The following KLHDC4 variants were observed in gnomAD, a reference collection of about 807,000 sequenced individuals.
KLHDC4 encodes kelch domain-containing protein 4.
KLHDC4 carries 90 observed loss-of-function variants against 62.4 expected under a neutral mutation model. The observed-to-expected ratio is 1.44, with a 90% CI of 1.22 to 1.72. The LOEUF (loss-of-function observed/expected upper bound fraction) is 1.72. Ranked by LOEUF, KLHDC4 falls within the 40% of genes most tolerant of loss-of-function variation. KLHDC4 has a pLI of 0.00. For synonymous variants in KLHDC4, 386 were observed against 284.4 expected (o/e 1.36, Z -3.59); for missense variants, 1,025 against 699.7 (o/e 1.47, Z -5.25).
chr16:87,729,653 C>A (rs575860577), intron 6 of KLHDC4, among the ~76,000 whole-genome samples: 1 of 152,254 alleles, frequency 6.6e-6, no homozygotes, highest in African/African-American at 2.4e-5. Context: ...CCTGGGCAGC[C>A]ATGCCAGCTG....
chr16:87,715,802 G>C (rs1178668496), intron 7 of KLHDC4, among the ~76,000 whole-genome samples: 1 of 152,212 alleles, frequency 6.6e-6, no homozygotes, highest in African/African-American at 2.4e-5. Flanking sequence ...TTTCTCTTCA[G>C]CTCTATGTTC....
At chr16:87,738,398 C>A (rs746521802) in intron 5 of KLHDC4, among the ~76,000 whole-genome samples, 2 of 152,180 alleles carry the variant, frequency 1.3e-5, no homozygotes, top group South Asian at 4.1e-4. Flanking sequence ...TTCATCCAAC[C>A]AAACAGTACC....
At chr16:87,725,448 A>G (rs536771988) in intron 7 of KLHDC4, among the ~76,000 whole-genome samples, 21 of 152,172 alleles carry the variant, frequency 1.4e-4, no homozygotes, top group Non-Finnish European at 1.2e-4. Context: ...TACAGGCGTG[A>G]GCCACCGCGC....
intron 5 of KLHDC4, 145 bp from the exon 6 acceptor site, chr16:87,730,789 T>C: frequency 1.5e-6 from 1 of 670,646 alleles, no homozygotes; most frequent in East Asian, 2.9e-5. Context: ...CCATTTAATC[T>C]GATCTATCAA....
intron 6 of KLHDC4, among the ~76,000 whole-genome samples, chr16:87,728,495 GA>G (rs142442496): frequency 0.18 from 27,959 of 152,038 alleles, 2,708 homozygotes; most frequent in South Asian, 0.3. Context: ...CAACAGCTTT[GA>G]AAAAAGTTCT....
At chr16:87,760,395 C>A (rs2045682680) in intron 2 of KLHDC4, among the ~76,000 whole-genome samples, 1 of 150,130 alleles carries the variant, frequency 6.7e-6, no homozygotes, top group Non-Finnish European at 1.5e-5. Context: ...ATCACGAGGT[C>A]AGAAGATCAA....
intron 2 of KLHDC4, among the ~76,000 whole-genome samples, chr16:87,758,684 A>G (rs2045396411): frequency 6.6e-6 from 1 of 152,238 alleles, no homozygotes; most frequent in African/African-American, 2.4e-5. Flanking sequence ...GAGCTTTAAA[A>G]AAAAATCTCA....
At chr16:87,752,989 C>T (rs141626034) in intron 4 of KLHDC4, among the ~76,000 whole-genome samples, 35 of 152,334 alleles carry the variant, frequency 2.3e-4, no homozygotes, top group African/African-American at 7.9e-4. Flanking sequence ...AGGAAACACG[C>T]CACGCAGCCC....
intron 1 of KLHDC4, among the ~76,000 whole-genome samples, chr16:87,764,350 A>G (rs1463511724): frequency 1.3e-5 from 2 of 152,154 alleles, no homozygotes; most frequent in African/African-American, 4.8e-5. Flanking sequence ...GGAGATGAGT[A>G]AAAATGACAG....
intron 8 of KLHDC4, among the ~76,000 whole-genome samples, chr16:87,713,350 C>T (rs116756546): frequency 0.032 from 4,825 of 152,032 alleles, 251 homozygotes; most frequent in African/African-American, 0.11. Flanking sequence ...CAGGCACACA[C>T]GCCAGCACAC....
chr16:87,757,934 T>C (rs2045245800), intron 2 of KLHDC4, among the ~76,000 whole-genome samples: 1 of 151,870 alleles, frequency 6.6e-6, no homozygotes, highest in Non-Finnish European at 1.5e-5. Context: ...GCCACTTCAG[T>C]TGAAAGTAAT....
intron 8 of KLHDC4, chr16:87,714,279 C>A (rs1398037282): frequency 1.6e-6 from 1 of 617,954 alleles, no homozygotes; most frequent in South Asian, 7.2e-5. Flanking sequence ...CTCAGTCAGT[C>A]CATCATCAAT....
chr16:87,711,453 G>C lies in KLHDC4; in HGVS notation c.836-10C>G. 1 of 1,601,498 alleles carries C rather than the reference G, an allele frequency of 6.2e-7. No homozygotes were observed. The highest frequency in any genetic ancestry group is 8.5e-7 in the Non-Finnish European group (1 of 1,175,222). ...GTCCAAACCCACTTGTCTGTCAAAA[G>C]AGAACAAGGAAGTGGGATAAGAACA... On this transcript the variant is annotated splice_polypyrimidine_tract_variant and intron_variant, in intron 8 of 11. Coordinates refer to ENST00000270583, the MANE Select transcript of KLHDC4 (RefSeq NM_017566.4).
intron 4 of KLHDC4, among the ~76,000 whole-genome samples, chr16:87,749,481 G>C (rs1394047326): frequency 2.6e-5 from 4 of 150,994 alleles, no homozygotes; most frequent in African/African-American, 7.3e-5. Context: ...TTGAACCTGG[G>C]AGGTGGAGGG....
At chr16:87,748,884 G>A (rs933479218) in intron 4 of KLHDC4, 75 bp from the exon 5 acceptor site, 4 of 1,570,876 alleles carry the variant, frequency 2.5e-6, no homozygotes, top group African/African-American at 1.4e-5. Flanking sequence ...ACCGGTAGTG[G>A]TGAGCGCTTC....
At chr16:87,765,569 G>C (rs1477867787) in intron 1 of KLHDC4, among the ~76,000 whole-genome samples, 1 of 152,124 alleles carries the variant, frequency 6.6e-6, no homozygotes, top group Non-Finnish European at 1.5e-5. Context: ...ACGTTAAAGG[G>C]GGCAGCTCCG....
chr16:87,760,423 T>C (rs2045688575), intron 2 of KLHDC4, among the ~76,000 whole-genome samples: 1 of 150,030 alleles, frequency 6.7e-6, no homozygotes, highest in South Asian at 2.1e-4. Flanking sequence ...CTGGCCAACA[T>C]GGTGAAACCC....
At chr16:87,730,222 G>C (rs566926125) in intron 6 of KLHDC4, among the ~76,000 whole-genome samples, 4 of 152,346 alleles carry the variant, frequency 2.6e-5, no homozygotes, top group African/African-American at 7.2e-5. Context: ...CCAAAGTGCT[G>C]GGATTATAGG....
intron 5 of KLHDC4, among the ~76,000 whole-genome samples, chr16:87,734,770 C>A (rs2040987111): frequency 6.6e-6 from 1 of 152,188 alleles, no homozygotes; most frequent in African/African-American, 2.4e-5. Context: ...GCTGGCCTCA[C>A]TTCACAGTTC....
Sources: gnomAD v4.1 joint callset for allele counts (sites outside exome capture counted in the v4.1 genomes callset) on GRCh38, gnomAD v4.1.1 for gene constraint, MANE v1.5 for transcripts, NCBI Gene and HGNC (gene_info 2026-07-23, HGNC 2026-07-21) for gene names.